The following FCHSD2 variants were observed in gnomAD, a reference collection of about 807,000 sequenced individuals.
FCHSD2 encodes the protein FCH and double SH3 domains 2.
Under a neutral mutation model 108.1 loss-of-function variants are expected in FCHSD2, and 38 were observed. The ratio of observed to expected loss-of-function variants is 0.35; its 90% confidence interval spans 0.27 to 0.46. The LOEUF is 0.46. FCHSD2 is among the 20% of genes least tolerant of loss of function. The pLI is 1.00. For missense variants in FCHSD2, 751 were observed against 897.8 expected (o/e 0.84, Z 2.09); for synonymous variants, 279 against 314.7 (o/e 0.89, Z 1.20).
chr11:72,982,345 C>T (rs1857229939), intron 8 of FCHSD2, among the ~76,000 whole-genome samples: 2 of 152,196 alleles, frequency 1.3e-5, no homozygotes, highest in Non-Finnish European at 2.9e-5. Flanking sequence ...AGCACCTGCT[C>T]TGGCTGCATC....
intron 4 of FCHSD2, among the ~76,000 whole-genome samples, chr11:73,009,522 T>A (rs1294776061): frequency 6.6e-6 from 1 of 152,028 alleles, no homozygotes; most frequent in Non-Finnish European, 1.5e-5. Flanking sequence ...CTAGAAAAAA[T>A]TAAATATATT....
At chr11:72,988,612 C>A (rs901604984) in intron 6 of FCHSD2, among the ~76,000 whole-genome samples, 1 of 152,126 alleles carries the variant, frequency 6.6e-6, no homozygotes, top group African/African-American at 2.4e-5. Context: ...GATTGAGAAT[C>A]CAGCATGAGA....
intron 2 of FCHSD2, 53 bp downstream of exon 2, chr11:73,139,978 G>T: frequency 9.8e-7 from 1 of 1,021,088 alleles, no homozygotes; most frequent in Non-Finnish European, 1.4e-6. Context: ...GTAACTCAAA[G>T]GTTCTTTGAA....
At chr11:72,950,308 T>C (rs1856597947) in intron 8 of FCHSD2, among the ~76,000 whole-genome samples, 1 of 152,202 alleles carries the variant, frequency 6.6e-6, no homozygotes, top group Non-Finnish European at 1.5e-5. Flanking sequence ...ACTTTCTCCA[T>C]AGATTCCTTT....
intron 3 of FCHSD2, among the ~76,000 whole-genome samples, chr11:73,017,429 C>T (rs951662290): frequency 1.8e-4 from 27 of 152,174 alleles, no homozygotes; most frequent in Non-Finnish European, 1.9e-4. Context: ...ACAATCACAT[C>T]TATTAATCAA....
rs754141729 is a variant in FCHSD2, at chr11:72,868,070, T to C, written c.1147-44A>G. 5 of 1,529,218 alleles carry C rather than the reference T, an allele frequency of 3.3e-6. 1 individual carries two copies. In the South Asian group the frequency reaches 6.1e-5, roughly 19 times the overall value. The allele number at this position is 1,529,218 out of a possible 1,614,324, so 94.7% of individuals were successfully genotyped here. On this transcript the variant is annotated intron_variant, in intron 12 of 19. Coordinates refer to ENST00000409418, the MANE Select transcript of FCHSD2 (RefSeq NM_014824.3). ...GGTCGGAAATCAAGGCTTTTATTAT[T>C]CACAATAGCAAAGATAAGGAATCAA...
At chr11:72,915,230 A>G (rs1014846028) in intron 9 of FCHSD2, among the ~76,000 whole-genome samples, 1 of 152,156 alleles carries the variant, frequency 6.6e-6, no homozygotes, top group Non-Finnish European at 1.5e-5. Context: ...GTTATCAATA[A>G]AAAATTAAAA....
intron 9 of FCHSD2, among the ~76,000 whole-genome samples, chr11:72,918,666 C>T (rs981930249): frequency 1.3e-4 from 20 of 151,768 alleles, no homozygotes; most frequent in African/African-American, 4.8e-4. Context: ...GGTTAGACTT[C>T]GAAGTATTAA....
chr11:73,076,818 T>C (rs1471984963), intron 3 of FCHSD2, among the ~76,000 whole-genome samples: 1 of 152,036 alleles, frequency 6.6e-6, no homozygotes, highest in East Asian at 1.9e-4. Context: ...TAATAAGAGT[T>C]TGTTATGCTA....
rs149032628 is a variant in FCHSD2 at position 73,103,619 on chromosome 11, C to T, written c.120-19879G>A. Among the ~76,000 whole-genome samples the T allele has an allele frequency of 4.0e-3, 613 of 152,236 alleles. 2 individuals carry two copies. The highest frequency in any genetic ancestry group is 0.024 in the Middle Eastern group (7 of 294). ...CAAGCATTAGCTTTATGCCAACACA[C>T]AGTTCAATTAAACTAAAATGAACCT... On this transcript the variant is annotated intron_variant, in intron 2 of 19. Coordinates refer to ENST00000409418, the MANE Select transcript of FCHSD2 (RefSeq NM_014824.3).
Position 72,965,358 on chromosome 11 carries a change from C to T in FCHSD2, c.705+18730G>A, listed in dbSNP as rs527746800. Among the ~76,000 whole-genome samples, 5 of 152,116 alleles carry T rather than the reference C, an allele frequency of 3.3e-5. No individual in the cohort carries two copies. The South Asian group carries it at 6.2e-4, about 19-fold the overall frequency. On this transcript the variant is annotated intron_variant, in intron 8 of 19. Transcript: ENST00000409418. ...TTCAATTCTATGAATTTTTACTGAG[C>T]GCTCTTCTATGCACTAAAACACAGT... is the stretch of plus-strand genomic sequence containing the variant.
intron 2 of FCHSD2, among the ~76,000 whole-genome samples, chr11:73,108,481 G>C (rs1860400021): frequency 6.6e-6 from 1 of 152,166 alleles, no homozygotes; most frequent in East Asian, 1.9e-4. Context: ...TCTTTGCCCA[G>C]TCCAATGCCA....
At chr11:73,120,914 G>A (rs1860718854) in intron 2 of FCHSD2, among the ~76,000 whole-genome samples, 1 of 151,294 alleles carries the variant, frequency 6.6e-6, no homozygotes, top group Non-Finnish European at 1.5e-5. Context: ...CACACAGGCA[G>A]AGTCAAAAAC....
intron 8 of FCHSD2, among the ~76,000 whole-genome samples, chr11:72,951,156 T>A (rs938218699): frequency 6.6e-6 from 1 of 152,242 alleles, no homozygotes; most frequent in African/African-American, 2.4e-5. Context: ...TTAGAAATAA[T>A]TAACACCTAT....
chr11:72,982,633 A>G (rs1188386006), intron 8 of FCHSD2, among the ~76,000 whole-genome samples: 1 of 152,172 alleles, frequency 6.6e-6, no homozygotes, highest in Non-Finnish European at 1.5e-5. Context: ...TTAAAGACAC[A>G]TCATAGGTGG....
chr11:72,979,089 C>T (rs142558957), intron 8 of FCHSD2, among the ~76,000 whole-genome samples: 24 of 152,148 alleles, frequency 1.6e-4, no homozygotes, highest in African/African-American at 5.8e-4. Flanking sequence ...AACTCCTGAC[C>T]TCAGGTGATC....
intron 3 of FCHSD2, among the ~76,000 whole-genome samples, chr11:73,027,188 CCT>C (rs1420501305): frequency 1.3e-5 from 2 of 152,108 alleles, no homozygotes; most frequent in African/African-American, 2.4e-5. Flanking sequence ...TTCCTAGAGA[CCT>C]GTTGAATGGT....
intron 3 of FCHSD2, among the ~76,000 whole-genome samples, chr11:73,039,764 G>A (rs1161867395): frequency 1.3e-5 from 2 of 152,188 alleles, no homozygotes; most frequent in Non-Finnish European, 2.9e-5. Context: ...GATCTTAGAT[G>A]TGTCTTCTTT....
intron 11 of FCHSD2, among the ~76,000 whole-genome samples, chr11:72,889,613 T>C (rs1855272733): frequency 6.6e-6 from 1 of 152,124 alleles, no homozygotes; most frequent in Admixed American, 6.5e-5. Flanking sequence ...CTTGGGAGGC[T>C]GAAGTGGGAG....
Sources: gnomAD v4.1 joint callset for allele counts (sites outside exome capture counted in the v4.1 genomes callset) on GRCh38, gnomAD v4.1.1 for gene constraint, MANE v1.5 for transcripts, NCBI Gene and HGNC (gene_info 2026-07-23, HGNC 2026-07-21) for gene names.